The following ISCA1 variants were observed in gnomAD, a reference collection of about 807,000 sequenced individuals.
ISCA1 encodes the protein iron-sulfur cluster assembly 1 homolog, mitochondrial.
ISCA1 carries 9 observed loss-of-function variants against 14.7 expected under a neutral mutation model. The observed-to-expected ratio is 0.61, with a 90% CI of 0.37 to 1.07. ISCA1 has a LOEUF of 1.07. ISCA1 is among the 50% of genes least tolerant of loss of function. The pLI, the probability that ISCA1 is intolerant of heterozygous loss-of-function variation, is 0.01. For synonymous variants in ISCA1, 38 were observed against 54.3 expected (o/e 0.70, Z 1.32); for missense variants, 102 against 150.1 (o/e 0.68, Z 1.67).
chr9:86,278,027 C>A (rs1248161986), intron 1 of ISCA1, among the ~76,000 whole-genome samples: 1 of 152,182 alleles, frequency 6.6e-6, no homozygotes, highest in Non-Finnish European at 1.5e-5. Flanking sequence ...CTTTAAGTAA[C>A]TCCCCAGGCA....
intron 1 of ISCA1, 48 bp from the exon 2 acceptor site, chr9:86,274,290 GC>G (rs774641558): frequency 2.3e-4 from 291 of 1,245,094 alleles, no homozygotes; most frequent in Non-Finnish European, 3.1e-4. Flanking sequence ...GTTATTCAAA[GC>G]CTCATATTTA....
At chr9:86,273,957 C>T (rs1252044830) in intron 2 of ISCA1, among the ~76,000 whole-genome samples, 5 of 152,130 alleles carry the variant, frequency 3.3e-5, no homozygotes, top group Non-Finnish European at 5.9e-5. Context: ...TGGAAGGATA[C>T]CAAAGAGATT....
intron 1 of ISCA1, 177 bp downstream of exon 1, chr9:86,282,201 G>A (rs752072446): frequency 4.8e-5 from 32 of 667,040 alleles, no homozygotes; most frequent in Non-Finnish European, 7.3e-5. Context: ...CTTGTTTATC[G>A]TTGCAAAGAG....
At position 86,271,915 on chromosome 9, in the gene ISCA1, C is replaced by T. The variant is rs12351992; in HGVS notation, c.241+92G>A. On this transcript the variant is annotated intron_variant, in intron 3 of 3. Coordinates refer to ENST00000375991, the MANE Select transcript of ISCA1 (RefSeq NM_030940.4). ...ACAGTGAGCATTATTTACATAATTC[C>T]TGCTACTATCCTTATTTTTTACTTT... The T allele has an allele frequency of 0.44, 307,897 of 697,280 alleles. 68,972 individuals carry two copies. The highest frequency in any genetic ancestry group is 0.53 in the Middle Eastern group (1,282 of 2,440). The allele number at this position is 697,280 out of a possible 1,614,324, so 43.2% of individuals were successfully genotyped here.
chr9:86,280,754 AGCCTGGGCAACCCAG>A, intron 1 of ISCA1, among the ~76,000 whole-genome samples: 1 of 152,032 alleles, frequency 6.6e-6, no homozygotes, highest in Non-Finnish European at 1.5e-5. Context: ...GTTCGAGACC[AGCCTGGGCAACCCAG>A]GGAGACCCTA....
intron 1 of ISCA1, among the ~76,000 whole-genome samples, chr9:86,275,872 C>G (rs192964394): frequency 5.3e-5 from 8 of 152,190 alleles, no homozygotes; most frequent in Non-Finnish European, 1.0e-4. Context: ...AGAATACCAA[C>G]TTTAAATAGT....
At chr9:86,276,775 G>A (rs1258276423) in intron 1 of ISCA1, among the ~76,000 whole-genome samples, 6 of 144,136 alleles carry the variant, frequency 4.2e-5, no homozygotes, top group Non-Finnish European at 7.5e-5. Context: ...GGAGGCTGAC[G>A]CATGAGAATC....
At chr9:86,274,097 C>T in intron 2 of ISCA1, 92 bp downstream of exon 2, 1 of 685,888 alleles carries the variant, frequency 1.5e-6, no homozygotes. Flanking sequence ...AATAAAAACC[C>T]CTAAATGAAA....
intron 3 of ISCA1, among the ~76,000 whole-genome samples, chr9:86,269,016 G>A (rs1825329913): frequency 6.6e-6 from 1 of 152,020 alleles, no homozygotes; most frequent in African/African-American, 2.4e-5. Context: ...GGCTGGTCGT[G>A]AACTCCTGAC....
intron 1 of ISCA1, among the ~76,000 whole-genome samples, chr9:86,278,529 T>G (rs1261381631): frequency 6.6e-6 from 1 of 151,400 alleles, no homozygotes; most frequent in Non-Finnish European, 1.5e-5. Context: ...AAATTAGCAG[T>G]CAAGGTGACA....
Position 86,275,701 on chromosome 9 carries a change from C to A in ISCA1, c.82-1459G>T, listed in dbSNP as rs553865012. 2.0e-5 allele frequency among the ~76,000 whole-genome samples: 3 copies of A among 152,268 alleles called. No homozygotes were observed. The East Asian group carries it at 5.8e-4, about 29-fold the overall frequency. Reference sequence around the variant, plus strand: ...CTTATTACATGTCACTGTAAAAAAACAAACCACTACCAGTAGGTGGGCCTC... The same window carrying A: ...CTTATTACATGTCACTGTAAAAAAAAAAACCACTACCAGTAGGTGGGCCTC... On this transcript the variant is annotated intron_variant, in intron 1 of 3. Coordinates refer to ENST00000375991, the MANE Select transcript of ISCA1 (RefSeq NM_030940.4).
chr9:86,276,786 G>A (rs1172435251), intron 1 of ISCA1, among the ~76,000 whole-genome samples: 2 of 138,162 alleles, frequency 1.4e-5, no homozygotes, highest in African/African-American at 2.7e-5. Context: ...CATGAGAATC[G>A]CTTGAACCCA....
At chr9:86,282,352 C>A in intron 1 of ISCA1, 26 bp downstream of exon 1, 1 of 1,536,342 alleles carries the variant, frequency 6.5e-7, no homozygotes, top group Non-Finnish European at 8.8e-7. Context: ...ATGTCACGGG[C>A]CCCGCCGCGC....
In ISCA1 at chr9:86,282,465, C is replaced by T. The variant is rs1469662071; in HGVS notation, c.-7G>A. ...GGACTAAGGAAGCCGACATCTTCGC[C>T]GTCCCGGCGCCCCGGTGCCTCGGGC... On this transcript the variant is annotated 5_prime_UTR_variant, in exon 1 of 4. Transcript: ENST00000375991. The T allele has an allele frequency of 4.5e-6, 7 of 1,551,752 alleles. No individual in the cohort carries two copies. The highest frequency in any genetic ancestry group is 3.6e-5 in the South Asian group (3 of 84,178).
At chr9:86,274,043 A>AT in intron 2 of ISCA1, 146 bp downstream of exon 2, 1 of 569,276 alleles carries the variant, frequency 1.8e-6, no homozygotes, top group African/African-American at 1.9e-5. Flanking sequence ...ACCCTTTTGT[A>AT]TTATTTGAAT....
chr9:86,269,165 C>T (rs1320083866), intron 3 of ISCA1, among the ~76,000 whole-genome samples: 1 of 152,198 alleles, frequency 6.6e-6, no homozygotes, highest in African/African-American at 2.4e-5. Flanking sequence ...GCTGGGACAA[C>T]AGGCTTGTGT....
At chr9:86,282,100 C>T (rs1014711316) in intron 1 of ISCA1, 6 of 466,756 alleles carry the variant, frequency 1.3e-5, no homozygotes, top group East Asian at 3.8e-5. Flanking sequence ...GGGACGCCCA[C>T]CCCCGGGATC....
intron 1 of ISCA1, 33 bp downstream of exon 1, chr9:86,282,345 T>G (rs1284908191): frequency 6.5e-7 from 1 of 1,534,430 alleles, no homozygotes; most frequent in Admixed American, 2.0e-5. Flanking sequence ...ACGAGCAATG[T>G]CACGGGCCCC....
chr9:86,274,384 A>G (rs1825416098), intron 1 of ISCA1, 142 bp from the exon 2 acceptor site: 1 of 615,874 alleles, frequency 1.6e-6, no homozygotes, highest in Non-Finnish European at 2.9e-6. Context: ...TGGACTTTAT[A>G]TAGAAACACA....
Sources: gnomAD v4.1 joint callset for allele counts (sites outside exome capture counted in the v4.1 genomes callset) on GRCh38, gnomAD v4.1.1 for gene constraint, MANE v1.5 for transcripts, NCBI Gene and HGNC (gene_info 2026-07-23, HGNC 2026-07-21) for gene names.